Variants in SERPINB4 observed in about 807,000 individuals in gnomAD.
SERPINB4 encodes the protein serpin family B member 4, also known as serpin B4.
Under a neutral mutation model 33.2 loss-of-function variants are expected in SERPINB4, and 39 were observed. The observed-to-expected ratio is 1.18, with a 90% CI of 0.91 to 1.53. The LOEUF (loss-of-function observed/expected upper bound fraction) is 1.53. Among genes scored for constraint, SERPINB4 ranks in the 40% most tolerant of loss-of-function variants. The pLI, the probability that SERPINB4 is intolerant of heterozygous loss-of-function variation, is 0.00. For missense variants in SERPINB4, 564 were observed against 455.4 expected, an observed-to-expected ratio of 1.24 and a Z score of -2.17; for synonymous variants, 191 against 166.4, an observed-to-expected ratio of 1.15 and a Z score of -1.14.
At chr18:63,641,356 C>T (rs192642226) in intron 4 of SERPINB4, among the ~76,000 whole-genome samples, 1 of 152,228 alleles carries the variant, frequency 6.6e-6, no homozygotes, top group African/African-American at 2.4e-5. Flanking sequence ...CCTGTGCATT[C>T]AATATTTCCT....
chr18:63,640,520 T>C (rs1231970373), intron 5 of SERPINB4, among the ~76,000 whole-genome samples: 1 of 152,092 alleles, frequency 6.6e-6, no homozygotes, highest in Non-Finnish European at 1.5e-5. Flanking sequence ...CGCTTTCTAA[T>C]GTTTTCTATT....
At chr18:63,640,751 C>G (rs530860533) in intron 5 of SERPINB4, 123 bp downstream of exon 5, 2 of 741,810 alleles carry the variant, frequency 2.7e-6, no homozygotes, top group East Asian at 5.2e-5. Context: ...TCTGGAGTGC[C>G]CTCTTCAGCC....
At chr18:63,643,694 G>T (rs1457375373) in intron 1 of SERPINB4, 91 bp from the exon 2 acceptor site, 1 of 1,397,796 alleles carries the variant, frequency 7.2e-7, no homozygotes, top group Non-Finnish European at 9.7e-7. Context: ...ATATATCTGG[G>T]TTGTGAGATT....
rs1371718165 is a variant in SERPINB4, at chr18:63,637,588, A to T, written c.*131T>A. ...TGCTATTTTAATCATTAAATTCTTG[A>T]TGATGACTATCATCATCAAGATGAG... On this transcript the variant is annotated 3_prime_UTR_variant, in exon 8 of 8. Coordinates refer to ENST00000341074, the MANE Select transcript of SERPINB4 (RefSeq NM_002974.4). The T allele has an allele frequency of 2.3e-6, 2 of 880,210 alleles. No homozygotes were observed. The highest frequency in any genetic ancestry group is 3.5e-6 in the Non-Finnish European group (2 of 577,854). The allele number at this position is 880,210 out of a possible 1,614,324, so 54.5% of individuals were successfully genotyped here. A position where few individuals can be genotyped will look rare whatever the true frequency, so the allele number is the denominator to read the frequency against.
chr18:63,640,691 C>T (rs1365863371), intron 5 of SERPINB4, among the ~76,000 whole-genome samples, 183 bp downstream of exon 5: 1 of 151,984 alleles, frequency 6.6e-6, no homozygotes, highest in East Asian at 1.9e-4. Context: ...CTGTGATTTC[C>T]TCCTTGGCTC....
intron 4 of SERPINB4, 90 bp from the exon 5 acceptor site, chr18:63,641,081 G>T: frequency 1.9e-6 from 2 of 1,060,194 alleles, no homozygotes; most frequent in Non-Finnish European, 1.4e-6. Flanking sequence ...ACAGTAAGCT[G>T]AATCCAGACC....
At chr18:63,641,997 C>T (rs796268996) in intron 3 of SERPINB4, 109 bp from the exon 4 acceptor site, 3 of 1,475,810 alleles carry the variant, frequency 2.0e-6, no homozygotes, top group African/African-American at 1.4e-5. Context: ...TCATTGAGGA[C>T]CTTTGATGTT....
Position 63,640,981 on chromosome 18 carries a change from T to C in SERPINB4, c.362A>G (p.Asp121Gly). 6.2e-7 allele frequency: 1 copy of C among 1,611,766 alleles called. No individual in the cohort carries two copies. Among genetic ancestry groups the C allele is most frequent in the Non-Finnish European group, 8.5e-7 (1 of 1,178,256 alleles). The change falls in exon 5 of 8, where the codon GAT becomes GGT. Residue 121 changes from aspartate (D) to glycine (G), a missense_variant. Asp to Gly is a moderately conservative substitution (Grantham distance 94, BLOSUM62 -1). Transcript: ENST00000341074. ...GGTCTGGTAAAATTTCTTGATGGCA[T>C]CTAAATATTCCTTTGAGATATGAAG... ...KTYQFLQEYL[D>G]AIKKFYQTSV...
rs114287389 is a variant in SERPINB4 at position 63,642,252 on chromosome 18, A to T, written c.223-364T>A. Among the ~76,000 whole-genome samples, 637 of 152,208 alleles carry T rather than the reference A, an allele frequency of 4.2e-3. 7 individuals carry two copies. Among genetic ancestry groups the T allele is most frequent in the African/African-American group, 0.014 (599 of 41,530 alleles). On this transcript the variant is annotated intron_variant, in intron 3 of 7. Transcript: ENST00000341074. ...ATTTCACTTCTAACAGTCATCAAGG[A>T]TACGAGTATGTTGAAGGTTGGATAT...
intron 3 of SERPINB4, 139 bp downstream of exon 3, chr18:63,643,022 C>A: frequency 1.0e-6 from 1 of 988,134 alleles, no homozygotes; most frequent in Non-Finnish European, 1.5e-6. Flanking sequence ...CATGAAATGC[C>A]AACCCACTCT....
chr18:63,643,003 A>G (rs1913186984), intron 3 of SERPINB4, 158 bp downstream of exon 3: 2 of 770,778 alleles, frequency 2.6e-6, no homozygotes, highest in Non-Finnish European at 4.3e-6. Context: ...AGGAATAATA[A>G]TTATGTGCCA....
In SERPINB4 at chr18:63,637,443, AT is replaced by A. The variant is rs1912960241; in HGVS notation, c.*275del. The stretch of plus-strand genomic sequence containing the variant: ...GGTCAGAAACAGAATTATATTTCAA[AT>A]TTAGAAGACACGGTATTAAATGATT... On this transcript the variant is annotated 3_prime_UTR_variant, in exon 8 of 8. Coordinates refer to ENST00000341074, the MANE Select transcript of SERPINB4 (RefSeq NM_002974.4). The A allele has an allele frequency of 2.6e-5, 8 of 305,450 alleles. No homozygotes were observed. The highest frequency in any genetic ancestry group is 4.2e-5 in the Non-Finnish European group (7 of 167,004). 18.9% of individuals were successfully genotyped at this position (305,450 alleles called of 1,614,324 possible).
intron 1 of SERPINB4, among the ~76,000 whole-genome samples, chr18:63,643,807 G>C (rs868265149): frequency 2.0e-5 from 3 of 152,054 alleles, no homozygotes; most frequent in Admixed American, 6.6e-5. Flanking sequence ...ACAAAACTAC[G>C]TTTTTAAAGA....
At position 63,638,016 on chromosome 18, in the gene SERPINB4, G is replaced by T. The variant is rs1469986440; in HGVS notation, c.876C>A (p.Ser292Arg). Residue 292 changes from serine to arginine, a missense_variant, in exon 8 of 8, where the codon AGC becomes AGA. Physicochemically the swap from Ser to Arg is moderately radical, Grantham distance 110. Transcript: ENST00000341074. ...LHLPRFKMEE[S>R]YDLKDTLRTM... ...TTCTCAACGTGTCCTTGAGGTCATA[G>T]CTCTCTTCCATTTTGAACCGAGGTA... 5 of 1,613,576 alleles carry T rather than the reference G, an allele frequency of 3.1e-6. No homozygotes were observed. The highest frequency in any genetic ancestry group is 3.4e-6 in the Non-Finnish European group (4 of 1,179,746).
In SERPINB4 at chr18:63,643,173, A is replaced by T. The variant is rs572013661; in HGVS notation, c.210T>A (p.Ala70=). 2 of 1,613,360 alleles carry T rather than the reference A, an allele frequency of 1.2e-6. No individual in the cohort carries two copies. The highest frequency in any genetic ancestry group is 4.5e-5 in the East Asian group (2 of 44,860). The change falls in exon 3 of 8, where the codon GCT becomes GCA. Residue 70 remains alanine, a synonymous_variant. Transcript: ENST00000341074. The stretch of plus-strand genomic sequence containing the variant: ...CTCTGTGACTCACATGATATGTTGC[A>T]GCTTTTTCTGTGGTGTTCTCTGTGA... ...DQVTENTTEK[A]ATYHVDRSGN...
At position 63,639,195 on chromosome 18, in the gene SERPINB4, C is replaced by A; in HGVS notation, c.758G>T (p.Gly253Val). Residue 253 changes from glycine to valine, a missense_variant, in exon 7 of 8, where the codon GGT (glycine) becomes GTT (valine). By Grantham distance (109) the Gly-to-Val change is moderately radical. Coordinates refer to ENST00000341074, the MANE Select transcript of SERPINB4 (RefSeq NM_002974.4). Reference protein sequence around the residue: ...MIVLLPNEIDGLQKLEEKLTA... With the variant: ...MIVLLPNEIDVLQKLEEKLTA... ...GATGCAAGTTCTTACCTTCTGCAGACCATCGATTTCATTTGGCAGCAGCAC... is the reference window on the plus strand; with the variant it reads ...GATGCAAGTTCTTACCTTCTGCAGAACATCGATTTCATTTGGCAGCAGCAC... The A allele has an allele frequency of 2.5e-6, 4 of 1,607,760 alleles. No homozygotes were observed. Among genetic ancestry groups the A allele is most frequent in the Non-Finnish European group, 3.4e-6 (4 of 1,176,170 alleles).
Position 63,639,659 on chromosome 18 carries a change from T to TC in SERPINB4, c.586_587insG (p.Lys196ArgfsTer25). 2 of 1,608,906 alleles carry TC rather than the reference T, an allele frequency of 1.2e-6. No homozygotes were observed. Among genetic ancestry groups the TC allele is most frequent in the Non-Finnish European group, 1.7e-6 (2 of 1,176,016 alleles). On this transcript the variant is annotated frameshift_variant, in exon 6 of 8. Transcript: ENST00000341074. LOFTEE classifies it high-confidence loss of function. ...CTTGTTTGGCCAAAATTTTTCCTCT[T>TC]TAGTGTTTTCTTTTTTAAATTTATT...
chr18:63,643,230 T>A lies in SERPINB4; in HGVS notation c.166-13A>T, dbSNP rs1400393168. 3 of 1,613,250 alleles carry A rather than the reference T, an allele frequency of 1.9e-6. No individual in the cohort carries two copies. Among genetic ancestry groups the A allele is most frequent in the Non-Finnish European group, 2.5e-6 (3 of 1,179,622 alleles). On this transcript the variant is annotated splice_polypyrimidine_tract_variant and intron_variant, in intron 2 of 7. Coordinates refer to ENST00000341074, the MANE Select transcript of SERPINB4 (RefSeq NM_002974.4). ...CAAAGTGAAGAACCTGGAAGAGACA[T>A]GAAGCGGGACAAGAAAACTTTACTC... is the stretch of plus-strand genomic sequence containing the variant.
chr18:63,643,747 T>G, intron 1 of SERPINB4, 144 bp from the exon 2 acceptor site: 1 of 873,236 alleles, frequency 1.1e-6, no homozygotes, highest in Non-Finnish European at 1.7e-6. Flanking sequence ...GCTTCAATCT[T>G]TCTACAATGT....
Sources: allele counts gnomAD v4.1 joint callset (sites outside exome capture counted in the v4.1 genomes callset), GRCh38; gene constraint gnomAD v4.1.1; transcripts MANE v1.5; gene names NCBI Gene and HGNC (gene_info 2026-07-23, HGNC 2026-07-21).